LRRC4C: variants seen among roughly 807,000 people sequenced by gnomAD.
LRRC4C encodes leucine-rich repeat-containing protein 4C.
LRRC4C carries 5 observed loss-of-function variants against 33.6 expected under a neutral mutation model. The ratio of observed to expected loss-of-function variants is 0.15; its 90% CI spans 0.08 to 0.31. The LOEUF is 0.31. LRRC4C is among the 10% of genes least tolerant of loss of function. The pLI is 1.00. For missense variants in LRRC4C, 560 were observed against 796.7 expected (o/e 0.70, Z 3.58); for synonymous variants, 329 against 302.0 (o/e 1.09, Z -0.93).
intron 1 of LRRC4C, among the ~76,000 whole-genome samples, chr11:41,286,654 T>C (rs1479728374): frequency 1.4e-5 from 1 of 73,444 alleles, no homozygotes; most frequent in Non-Finnish European, 3.5e-5. Context: ...ACATTTACTC[T>C]TTCCTACTAT....
chr11:40,506,516 A>T (rs949102160), intron 3 of LRRC4C, among the ~76,000 whole-genome samples: 6 of 151,964 alleles, frequency 3.9e-5, no homozygotes, highest in Non-Finnish European at 7.4e-5. Flanking sequence ...GTTGCTGAAA[A>T]TCTAAACTAT....
intron 1 of LRRC4C, among the ~76,000 whole-genome samples, chr11:41,099,653 C>T (rs1941042256): frequency 6.6e-6 from 1 of 152,090 alleles, no homozygotes; most frequent in African/African-American, 2.4e-5. Context: ...TTTCATGTTA[C>T]AAACTCTCTA....
At chr11:40,694,668 T>G (rs1460102022) in intron 2 of LRRC4C, among the ~76,000 whole-genome samples, 1 of 152,130 alleles carries the variant, frequency 6.6e-6, no homozygotes, top group Non-Finnish European at 1.5e-5. Context: ...CAAAGTGTCT[T>G]AGGCTAATGT....
At chr11:40,498,065 T>A (rs1954562639) in intron 3 of LRRC4C, among the ~76,000 whole-genome samples, 1 of 152,232 alleles carries the variant, frequency 6.6e-6, no homozygotes, top group Non-Finnish European at 1.5e-5. Flanking sequence ...AATTAATTCC[T>A]TAATTTTAGC....
At chr11:41,028,859 T>C (rs954203416) in intron 1 of LRRC4C, among the ~76,000 whole-genome samples, 1 of 151,758 alleles carries the variant, frequency 6.6e-6, no homozygotes, top group Non-Finnish European at 1.5e-5. Context: ...AATTATTTTA[T>C]GGGATGAAGA....
chr11:40,181,478 C>T (rs1259207335), intron 5 of LRRC4C, among the ~76,000 whole-genome samples: 5 of 152,142 alleles, frequency 3.3e-5, no homozygotes, highest in African/African-American at 9.7e-5. Flanking sequence ...ACATGGGGTA[C>T]ACTACAAATT....
At chr11:40,443,091 G>A (rs1951466830) in intron 3 of LRRC4C, among the ~76,000 whole-genome samples, 1 of 152,164 alleles carries the variant, frequency 6.6e-6, no homozygotes, top group South Asian at 2.1e-4. Flanking sequence ...TTGGCCAACT[G>A]AGACTCATAA....
chr11:41,278,930 G>A (rs1199790769), intron 1 of LRRC4C, among the ~76,000 whole-genome samples: 1 of 152,042 alleles, frequency 6.6e-6, no homozygotes, highest in African/African-American at 2.4e-5. Context: ...CATCACCTAG[G>A]TAGCATAGTT....
At chr11:40,929,964 G>A (rs12417802) in intron 2 of LRRC4C, among the ~76,000 whole-genome samples, 9 of 152,194 alleles carry the variant, frequency 5.9e-5, no homozygotes, top group African/African-American at 2.2e-4. Context: ...AGCTAATTTA[G>A]GAATAGCAAT....
At chr11:40,421,664 A>G (rs1392634607) in intron 3 of LRRC4C, among the ~76,000 whole-genome samples, 1 of 152,198 alleles carries the variant, frequency 6.6e-6, no homozygotes, top group East Asian at 1.9e-4. Flanking sequence ...CTTTTCCAGT[A>G]GTGAGATTAA....
chr11:40,256,466 T>C (rs999005), intron 4 of LRRC4C, among the ~76,000 whole-genome samples: 1 of 152,004 alleles, frequency 6.6e-6, no homozygotes, highest in Admixed American at 6.6e-5. Flanking sequence ...ATGGCTCAAA[T>C]CTAGGACTCT....
chr11:40,941,960 G>T (rs1419926640), intron 1 of LRRC4C, among the ~76,000 whole-genome samples: 1 of 152,112 alleles, frequency 6.6e-6, no homozygotes, highest in Non-Finnish European at 1.5e-5. Flanking sequence ...CTGAGACAGG[G>T]TTAGACACAC....
intron 3 of LRRC4C, among the ~76,000 whole-genome samples, chr11:40,440,559 G>A (rs1045344821): frequency 2.0e-5 from 3 of 152,024 alleles, no homozygotes; most frequent in Admixed American, 1.3e-4. Flanking sequence ...AAGTTGAAAG[G>A]CAGGAAAGAA....
At chr11:40,763,828 A>G (rs560591319) in intron 2 of LRRC4C, among the ~76,000 whole-genome samples, 1 of 152,304 alleles carries the variant, frequency 6.6e-6, no homozygotes, top group African/African-American at 2.4e-5. Flanking sequence ...AGCTAGCCCA[A>G]CCACCATGGG....
intron 2 of LRRC4C, among the ~76,000 whole-genome samples, chr11:40,870,393 T>G (rs551182606): frequency 6.6e-6 from 1 of 152,244 alleles, no homozygotes; most frequent in Non-Finnish European, 1.5e-5. Context: ...TATAATTTTA[T>G]ATTCCCTTGG....
chr11:41,454,860 T>G (rs1956129988), intron 1 of LRRC4C, among the ~76,000 whole-genome samples: 1 of 152,172 alleles, frequency 6.6e-6, no homozygotes. Flanking sequence ...GGTCTTCCTA[T>G]TCTTAAACTA....
At chr11:41,037,374 C>CT (rs1857145283) in intron 1 of LRRC4C, among the ~76,000 whole-genome samples, 1 of 151,670 alleles carries the variant, frequency 6.6e-6, no homozygotes, top group Non-Finnish European at 1.5e-5. Flanking sequence ...AAGTCTCACT[C>CT]TGTCACCTAG....
chr11:41,169,628 A>C (rs1944881212), intron 1 of LRRC4C, among the ~76,000 whole-genome samples: 1 of 152,182 alleles, frequency 6.6e-6, no homozygotes, highest in Non-Finnish European at 1.5e-5. Flanking sequence ...AACACTGAAA[A>C]AATCTTTTGG....
At chr11:40,405,098 A>G (rs1949911054) in intron 3 of LRRC4C, among the ~76,000 whole-genome samples, 1 of 150,988 alleles carries the variant, frequency 6.6e-6, no homozygotes, top group African/African-American at 2.4e-5. Flanking sequence ...CCCCAACCCC[A>G]ACCCTGGTAA....
Sources: allele counts gnomAD v4.1 joint callset (sites outside exome capture counted in the v4.1 genomes callset), GRCh38; gene constraint gnomAD v4.1.1; transcripts MANE v1.5; gene names NCBI Gene and HGNC (gene_info 2026-07-23, HGNC 2026-07-21).